SHOC2: variants seen among roughly 807,000 people sequenced by gnomAD.
SHOC2 encodes the protein SHOC2 leucine rich repeat scaffold protein.
A neutral mutation model predicts 50.2 loss-of-function variants in SHOC2; 4 were observed. That is an observed-to-expected ratio of 0.08 (90% CI 0.04 to 0.18). The LOEUF (loss-of-function observed/expected upper bound fraction) is 0.18, where lower values mean the gene tolerates loss of function less well. Ranked by LOEUF, SHOC2 falls within the 10% of genes least tolerant of loss-of-function variation. SHOC2 has a pLI of 1.00. For synonymous variants in SHOC2, 218 were observed against 244.5 expected, an observed-to-expected ratio of 0.89 and a Z score of 1.01; for missense variants, 388 against 669.6, an observed-to-expected ratio of 0.58 and a Z score of 4.64.
rs965923949 is a variant in SHOC2, at chr10:111,012,460, A to T, written c.*642A>T. 1 of 152,076 alleles carries T rather than the reference A, an allele frequency of 6.6e-6. No individual in the cohort carries two copies. Among genetic ancestry groups the T allele is most frequent in the African/African-American group, 2.4e-5 (1 of 41,434 alleles). 9.4% of individuals were successfully genotyped at this position (152,076 alleles called of 1,614,324 possible). On this transcript the variant is annotated 3_prime_UTR_variant, in exon 9 of 9. Transcript: ENST00000369452. ...AAAAAAAAACTGGCAAAGTGAAAAG[A>T]TACAGTCAAAAATCTAGAATTTCTT...
At chr10:110,920,008 G>T (rs1426726511) in intron 1 of SHOC2, 1 of 148,174 alleles carries the variant, frequency 6.7e-6, no homozygotes, top group Non-Finnish European at 1.5e-5. Flanking sequence ...CGGCGAGCCG[G>T]CGCGAGGGCG....
At chr10:110,997,343 G>A (rs1177165988) in intron 3 of SHOC2, among the ~76,000 whole-genome samples, 2 of 152,076 alleles carry the variant, frequency 1.3e-5, no homozygotes, top group Admixed American at 1.3e-4. Context: ...TTATCAAAAT[G>A]TTTTTAAATT....
intron 1 of SHOC2, among the ~76,000 whole-genome samples, chr10:110,941,739 A>G (rs182900294): frequency 4.3e-4 from 65 of 152,272 alleles, no homozygotes; most frequent in African/African-American, 1.4e-3. Context: ...TCTTAACAGG[A>G]TCATTTGTGG....
rs1198380384 is a variant in SHOC2, at chr10:111,009,707, T to C, written c.1423-6T>C. The C allele has an allele frequency of 6.5e-7, 1 of 1,536,980 alleles. No homozygotes were observed. The highest frequency in any genetic ancestry group is 1.7e-5 in the Admixed American group (1 of 59,774). On this transcript the variant is annotated splice_region_variant and splice_polypyrimidine_tract_variant and intron_variant, in intron 7 of 8. Coordinates refer to ENST00000369452, the MANE Select transcript of SHOC2 (RefSeq NM_007373.4). ...GTAACTCTCTTTTATTTTGTAAATCTTTTAGAAATTAGTCTTGACAAACAA... is the reference window on the plus strand; with the variant it reads ...GTAACTCTCTTTTATTTTGTAAATCCTTTAGAAATTAGTCTTGACAAACAA...
At chr10:110,977,900 C>G (rs1847905949) in intron 2 of SHOC2, among the ~76,000 whole-genome samples, 1 of 152,182 alleles carries the variant, frequency 6.6e-6, no homozygotes, top group Admixed American at 6.5e-5. Flanking sequence ...TTTGCCTAGC[C>G]TTTGGTAGTC....
At chr10:110,925,985 T>A (rs1846763228) in intron 1 of SHOC2, among the ~76,000 whole-genome samples, 1 of 152,226 alleles carries the variant, frequency 6.6e-6, no homozygotes, top group Non-Finnish European at 1.5e-5. Flanking sequence ...TATCTTGAGA[T>A]TACTTATAGG....
At chr10:110,929,735 T>A (rs563837330) in intron 1 of SHOC2, among the ~76,000 whole-genome samples, 2 of 152,298 alleles carry the variant, frequency 1.3e-5, no homozygotes, top group Non-Finnish European at 2.9e-5. Flanking sequence ...CCTTGTGACC[T>A]CATCTAAACC....
rs561668962 is a variant in SHOC2, at chr10:110,954,459, C to T, written c.-234-9666C>T. Among the ~76,000 whole-genome samples, 3 of 152,234 alleles carry T rather than the reference C, an allele frequency of 2.0e-5. No homozygotes were observed. In the South Asian group the frequency reaches 6.2e-4, roughly 32 times the overall value. ...AGCTAGCTTCTTTGCAGCAGATTCT[C>T]AAGTCACTTTGAAATTAAAAGTGCC... On this transcript the variant is annotated intron_variant, in intron 1 of 8. Transcript: ENST00000369452.
chr10:110,990,038 A>G (rs954444077), intron 3 of SHOC2, among the ~76,000 whole-genome samples: 2 of 152,282 alleles, frequency 1.3e-5, no homozygotes, highest in Non-Finnish European at 2.9e-5. Flanking sequence ...TAATCTCATC[A>G]TAATCACTTT....
intron 2 of SHOC2, among the ~76,000 whole-genome samples, chr10:110,967,662 T>A (rs1220990501): frequency 6.6e-6 from 1 of 152,202 alleles, no homozygotes; most frequent in African/African-American, 2.4e-5. Flanking sequence ...AACACTAATC[T>A]ACTTTCTGTC....
At chr10:110,938,123 C>T (rs1847064639) in intron 1 of SHOC2, among the ~76,000 whole-genome samples, 1 of 152,086 alleles carries the variant, frequency 6.6e-6, no homozygotes. Context: ...CATTTATTTT[C>T]CTCACTTAAT....
At chr10:110,951,488 A>AT (rs1241768456) in intron 1 of SHOC2, 1 of 152,108 alleles carries the variant, frequency 6.6e-6, no homozygotes, top group Non-Finnish European at 1.5e-5. Context: ...TCATAAAAAA[A>AT]TTAAAAAGAG....
intron 1 of SHOC2, among the ~76,000 whole-genome samples, chr10:110,933,455 G>A (rs1846934462): frequency 6.6e-6 from 1 of 152,134 alleles, no homozygotes; most frequent in Non-Finnish European, 1.5e-5. Context: ...TTTATAGTAA[G>A]AATCTTAATA....
intron 2 of SHOC2, among the ~76,000 whole-genome samples, chr10:110,967,092 C>A (rs1419059760): frequency 6.6e-6 from 1 of 151,896 alleles, no homozygotes; most frequent in Non-Finnish European, 1.5e-5. Context: ...TTGTTTGAGC[C>A]CATGAATCAT....
At chr10:110,998,167 T>A (rs1423576381) in intron 3 of SHOC2, among the ~76,000 whole-genome samples, 2 of 151,778 alleles carry the variant, frequency 1.3e-5, no homozygotes, top group African/African-American at 4.8e-5. Context: ...GCCCGGATAA[T>A]TTTGTATTTT....
intron 2 of SHOC2, among the ~76,000 whole-genome samples, chr10:110,974,507 GT>G (rs925664195): frequency 6.0e-4 from 91 of 152,144 alleles, no homozygotes; most frequent in South Asian, 1.2e-3. Context: ...TTTAAAATGG[GT>G]TTTGTAAACA....
chr10:110,984,023 C>A (rs193090767), intron 2 of SHOC2, among the ~76,000 whole-genome samples: 1 of 152,138 alleles, frequency 6.6e-6, no homozygotes, highest in East Asian at 1.9e-4. Context: ...TCGATATATA[C>A]CTTGAAGTTG....
intron 1 of SHOC2, among the ~76,000 whole-genome samples, chr10:110,948,187 T>C (rs1590791758): frequency 6.6e-6 from 1 of 152,192 alleles, no homozygotes; most frequent in East Asian, 1.9e-4. Context: ...GTTGTAAATA[T>C]ATATACACTC....
chr10:110,921,320 G>A (rs1020969634), intron 1 of SHOC2, among the ~76,000 whole-genome samples: 1 of 152,162 alleles, frequency 6.6e-6, no homozygotes, highest in Admixed American at 6.5e-5. Context: ...TGGACATAAA[G>A]TATATTGTAA....
Sources: gnomAD v4.1 joint callset for allele counts (sites outside exome capture counted in the v4.1 genomes callset) on GRCh38, gnomAD v4.1.1 for gene constraint, MANE v1.5 for transcripts, NCBI Gene and HGNC (gene_info 2026-07-23, HGNC 2026-07-21) for gene names.